ACSL5: variants seen among roughly 807,000 people sequenced by gnomAD.
The protein encoded by ACSL5 is acyl-CoA synthetase long chain family member 5.
A neutral mutation model predicts 84.9 loss-of-function variants in ACSL5; 50 were observed. The observed-to-expected ratio is 0.59, with a 90% CI of 0.47 to 0.75. The LOEUF is 0.75. Ranked by LOEUF, ACSL5 falls within the 30% of genes least tolerant of loss-of-function variation. The probability of loss-of-function intolerance (pLI) is 0.00; values close to 1 mark genes in which losing one functional copy is unlikely to be tolerated. For missense variants in ACSL5, 775 were observed against 830.4 expected (o/e 0.93, Z 0.82); for synonymous variants, 280 against 300.7 (o/e 0.93, Z 0.71).
Position 112,427,507 on chromosome 10 carries a change from A to G in ACSL5, c.*149A>G, listed in dbSNP as rs1221353999. 2 of 635,460 alleles carry G rather than the reference A, an allele frequency of 3.1e-6. No homozygotes were observed. Among genetic ancestry groups the G allele is most frequent in the Non-Finnish European group, 4.9e-6 (2 of 407,758 alleles). 39.4% of individuals were successfully genotyped at this position (635,460 alleles called of 1,614,324 possible). On this transcript the variant is annotated 3_prime_UTR_variant, in exon 21 of 21. Coordinates refer to ENST00000354655, the MANE Select transcript of ACSL5 (RefSeq NM_203379.2). ...CATAGCTTTTGTTTTATATTGAGAC[A>G]TATAATGTGTAAACTTAGTTCCCAA...
At chr10:112,385,268 T>A (rs1417817916) in intron 1 of ACSL5, among the ~76,000 whole-genome samples, 1 of 152,176 alleles carries the variant, frequency 6.6e-6, no homozygotes, top group Non-Finnish European at 1.5e-5. Flanking sequence ...CTGCCCCAGG[T>A]CACAAAGAAA....
rs914586136 is a variant in ACSL5, at chr10:112,428,324, C to G, written c.*966C>G. ...TGCTCTACCTTACCCACAGATAACA[C>G]ATGTTGTTTCTACTTGTAAATGTAA... On this transcript the variant is annotated 3_prime_UTR_variant, in exon 21 of 21. Transcript: ENST00000354655. 5.0e-6 allele frequency: 2 copies of G among 397,212 alleles called. No homozygotes were observed. The highest frequency in any genetic ancestry group is 8.9e-6 in the Non-Finnish European group (2 of 225,206). The allele number at this position is 397,212 out of a possible 1,614,324, so 24.6% of individuals were successfully genotyped here.
intron 1 of ACSL5, chr10:112,376,399 G>A (rs375967711): frequency 2.0e-5 from 32 of 1,614,000 alleles, no homozygotes; most frequent in African/African-American, 4.0e-5. Context: ...ACTCAGAGCC[G>A]GGAAGCCCCC....
At chr10:112,411,645 C>CAA in intron 10 of ACSL5, 116 bp downstream of exon 10, 1 of 1,007,218 alleles carries the variant, frequency 9.9e-7, no homozygotes, top group South Asian at 1.4e-5. Flanking sequence ...CACACACACA[C>CAA]ACGTTAAAGG....
intron 14 of ACSL5, among the ~76,000 whole-genome samples, chr10:112,420,741 G>A (rs1238602705): frequency 6.7e-6 from 1 of 150,238 alleles, no homozygotes; most frequent in Non-Finnish European, 1.5e-5. Context: ...CTTTTGAGAT[G>A]TAGTCTCGCT....
intron 10 of ACSL5, 111 bp from the exon 11 acceptor site, chr10:112,411,791 T>C (rs1844185622): frequency 1.9e-6 from 2 of 1,038,774 alleles, no homozygotes; most frequent in Non-Finnish European, 3.0e-6. Flanking sequence ...GTGTACCGCC[T>C]ATACAGCTGT....
chr10:112,408,543 A>C, intron 6 of ACSL5, 22 bp downstream of exon 6: 1 of 1,466,734 alleles, frequency 6.8e-7, no homozygotes, highest in South Asian at 1.1e-5. Flanking sequence ...CTGTTACATT[A>C]CAACTTGATT....
At chr10:112,386,669 G>C (rs1849460319) in intron 1 of ACSL5, among the ~76,000 whole-genome samples, 1 of 152,148 alleles carries the variant, frequency 6.6e-6, no homozygotes, top group Non-Finnish European at 1.5e-5. Flanking sequence ...CATTAGGGTT[G>C]CATTAAATGT....
chr10:112,376,513 AG>A, intron 1 of ACSL5: 2 of 1,600,886 alleles, frequency 1.2e-6, no homozygotes, highest in Non-Finnish European at 1.7e-6. Flanking sequence ...ACAGAGGCCA[AG>A]GGGGCATCCT....
chr10:112,398,408 C>CT (rs1396651572), intron 2 of ACSL5, among the ~76,000 whole-genome samples: 90 of 144,896 alleles, frequency 6.2e-4, no homozygotes, highest in South Asian at 6.6e-4. Flanking sequence ...TTTGTATTTT[C>CT]TTTTTTTTTT....
Position 112,383,974 on chromosome 10 carries a change from A to C in ACSL5, c.-30+9705A>C, listed in dbSNP as rs182126995. On this transcript the variant is annotated intron_variant, in intron 1 of 20. Coordinates refer to ENST00000354655, the MANE Select transcript of ACSL5 (RefSeq NM_203379.2). ...TTGGGAGGCTTGAGGCAGGTGGATCACTTGAGACCAGGAGCTCAAGACCAG... is the reference window on the plus strand; with the variant it reads ...TTGGGAGGCTTGAGGCAGGTGGATCCCTTGAGACCAGGAGCTCAAGACCAG... Among the ~76,000 whole-genome samples, 238 of 152,138 alleles carry C rather than the reference A, an allele frequency of 1.6e-3. 2 individuals carry two copies. The highest frequency in any genetic ancestry group is 2.4e-3 in the Non-Finnish European group (164 of 67,978).
intron 17 of ACSL5, chr10:112,424,502 T>G (rs1379737756): frequency 2.0e-5 from 3 of 152,228 alleles, no homozygotes; most frequent in Admixed American, 2.0e-4. Flanking sequence ...GTAACAGAAT[T>G]AAATAACACT....
chr10:112,408,385 T>G (rs755643994), intron 5 of ACSL5, 37 bp from the exon 6 acceptor site: 2 of 1,292,044 alleles, frequency 1.5e-6, no homozygotes, highest in African/African-American at 2.9e-5. Context: ...CTCTTCAGTG[T>G]GCCCTCCAGT....
chr10:112,407,375 C>A (rs1844065005), intron 5 of ACSL5, among the ~76,000 whole-genome samples: 1 of 152,058 alleles, frequency 6.6e-6, no homozygotes, highest in South Asian at 2.1e-4. Context: ...AGGCACATGC[C>A]ACCACGCCCA....
Position 112,421,594 on chromosome 10 carries a change from T to G in ACSL5, c.1316T>G (p.Val439Gly). 6.2e-7 allele frequency: 1 copy of G among 1,614,030 alleles called. No homozygotes were observed. The highest frequency in any genetic ancestry group is 8.5e-7 in the Non-Finnish European group (1 of 1,179,870). The change falls in exon 15 of 21, where the codon GTG (valine) becomes GGG (glycine). Residue 439 changes from valine to glycine, a missense_variant and splice_region_variant. Coordinates refer to ENST00000354655, the MANE Select transcript of ACSL5 (RefSeq NM_203379.2). ...TFFRAAMGCQ[V>G]YEAYGQTECT... Reference sequence around the variant, plus strand: ...AAAAGCTCTTCTTTGGTTTCCCAGGTGTATGAAGCTTATGGTCAAACAGAA... The same window carrying G: ...AAAAGCTCTTCTTTGGTTTCCCAGGGGTATGAAGCTTATGGTCAAACAGAA...
chr10:112,405,636 C>G (rs188312757), intron 5 of ACSL5, among the ~76,000 whole-genome samples: 316 of 152,236 alleles, frequency 2.1e-3, no homozygotes, highest in Non-Finnish European at 3.3e-3. Flanking sequence ...AACTTAACAC[C>G]TAATCTGATA....
Position 112,386,308 on chromosome 10 carries a change from C to G in ACSL5, c.-29-8610C>G, listed in dbSNP as rs1849452281. Among the ~76,000 whole-genome samples the G allele has an allele frequency of 2.7e-5, 4 of 150,312 alleles. No homozygotes were observed. In the Admixed American group the frequency reaches 2.7e-4, roughly 10 times the overall value. On this transcript the variant is annotated intron_variant, in intron 1 of 20. Transcript: ENST00000354655. ...TCCTGGGTTCAAGCAATTCTCCTGC[C>G]TCAGCCTCCCTAGTAGCTGGGATTA...
intron 6 of ACSL5, 142 bp from the exon 7 acceptor site, chr10:112,409,365 A>G (rs1010803281): frequency 1.5e-6 from 1 of 656,580 alleles, no homozygotes; most frequent in Non-Finnish European, 2.6e-6. Flanking sequence ...TTCAGGTTGT[A>G]CATTATAAAT....
At chr10:112,387,303 G>C (rs1262681873) in intron 1 of ACSL5, among the ~76,000 whole-genome samples, 2 of 152,160 alleles carry the variant, frequency 1.3e-5, no homozygotes, top group Non-Finnish European at 2.9e-5. Context: ...TTCATCCCAG[G>C]GCTCTGAGGA....
Sources: allele counts gnomAD v4.1 joint callset (sites outside exome capture counted in the v4.1 genomes callset), GRCh38; gene constraint gnomAD v4.1.1; transcripts MANE v1.5; gene names NCBI Gene and HGNC (gene_info 2026-07-23, HGNC 2026-07-21).